APOBEC3G: variants seen among roughly 807,000 people sequenced by gnomAD.
The protein encoded by APOBEC3G is DNA dC->dU-editing enzyme APOBEC-3G.
In APOBEC3G, 44 loss-of-function variants were observed where a neutral mutation model predicts 50.0. The observed-to-expected ratio is 0.88, with a 90% CI of 0.69 to 1.13. The LOEUF is 1.13. APOBEC3G is among the 50% of genes most tolerant of loss of function. The pLI is 0.00. For missense variants in APOBEC3G, 469 were observed against 492.0 expected (o/e 0.95, Z 0.44); for synonymous variants, 156 against 175.3 (o/e 0.89, Z 0.87).
rs1456548188 is a variant in APOBEC3G, at chr22:39,086,402, C to G, written c.859C>G (p.Pro287Ala). 2.5e-6 allele frequency: 4 copies of G among 1,614,184 alleles called. No individual in the cohort carries two copies. The highest frequency in any genetic ancestry group is 3.3e-5 in the Admixed American group (2 of 60,014). Residue 287 changes from proline to alanine, a missense_variant, in exon 6 of 8, where the codon CCC becomes GCC. Pro to Ala is a conservative substitution (Grantham distance 27). Transcript: ENST00000407997. Reference protein sequence around the residue: ...YRVTCFTSWSPCFSCAQEMAK... With the variant: ...YRVTCFTSWSACFSCAQEMAK... ...GGTTACCTGCTTCACCTCCTGGAGC[C>G]CCTGCTTCAGCTGTGCCCAGGAAAT...
intron 2 of APOBEC3G, chr22:39,079,298 C>T (rs911723724): frequency 3.7e-5 from 22 of 589,762 alleles, no homozygotes; most frequent in African/African-American, 1.9e-4. Context: ...CTTGTGTTTC[C>T]GTTTTTCTTT....
intron 5 of APOBEC3G, among the ~76,000 whole-genome samples, chr22:39,084,466 G>T (rs996091917): frequency 6.6e-6 from 1 of 152,088 alleles, no homozygotes; most frequent in African/African-American, 2.4e-5. Flanking sequence ...GGCAGAGCTT[G>T]CAGTGAGCCA....
At chr22:39,078,414 C>T (rs1006547948) in intron 1 of APOBEC3G, 2 of 153,474 alleles carry the variant, frequency 1.3e-5, no homozygotes. Context: ...AGAGACTGGA[C>T]AGGGCTGGCC....
chr22:39,086,643 G>A, intron 6 of APOBEC3G, 76 bp downstream of exon 6: 1 of 1,516,548 alleles, frequency 6.6e-7, no homozygotes, highest in East Asian at 2.3e-5. Context: ...AGAAAGTGGG[G>A]AGGGTCGGCA....
At position 39,081,078 on chromosome 22, in the gene APOBEC3G, C is replaced by T. The variant is rs756302637; in HGVS notation, c.317C>T (p.Thr106Met). 1.2e-6 allele frequency: 2 copies of T among 1,614,218 alleles called. No homozygotes were observed. Among genetic ancestry groups the T allele is most frequent in the South Asian group, 1.1e-5 (1 of 91,082 alleles). The part of the protein sequence containing the change: ...PCTKCTRDMA[T>M]FLAEDPKVTL... ...ACAAAGTGTACAAGGGATATGGCCA[C>T]GTTCCTGGCCGAGGACCCGAAGGTT... Residue 106 changes from threonine (T) to methionine (M), a missense_variant, in exon 3 of 8, where the codon ACG (threonine) becomes ATG (methionine). Coordinates refer to ENST00000407997, the MANE Select transcript of APOBEC3G (RefSeq NM_021822.4).
chr22:39,077,563 G>A (rs1224344619), intron 1 of APOBEC3G, among the ~76,000 whole-genome samples, 185 bp downstream of exon 1: 1 of 151,964 alleles, frequency 6.6e-6, no homozygotes, highest in East Asian at 1.9e-4. Flanking sequence ...CCCCACTGCT[G>A]CTTCTGAATG....
At chr22:39,077,493 C>A in intron 1 of APOBEC3G, 115 bp downstream of exon 1, 1 of 1,521,288 alleles carries the variant, frequency 6.6e-7, no homozygotes, top group Non-Finnish European at 8.9e-7. Flanking sequence ...GGGCTCCCTC[C>A]CCTCTGACTC....
In APOBEC3G at chr22:39,079,303, T is replaced by C. The variant is rs1928323013; in HGVS notation, c.171+218T>C. 8.6e-6 allele frequency: 5 copies of C among 580,038 alleles called. No individual in the cohort carries two copies. In the East Asian group the frequency reaches 1.6e-4, roughly 19 times the overall value. 35.9% of individuals were successfully genotyped at this position (580,038 alleles called of 1,614,324 possible). Reference sequence around the variant, plus strand: ...CACAAAAGGCCTTGTGTTTCCGTTTTTCTTTTCTTTTCTTTTTTCTTTTTT... The same window carrying C: ...CACAAAAGGCCTTGTGTTTCCGTTTCTCTTTTCTTTTCTTTTTTCTTTTTT... On this transcript the variant is annotated intron_variant, in intron 2 of 7. Coordinates refer to ENST00000407997, the MANE Select transcript of APOBEC3G (RefSeq NM_021822.4).
chr22:39,081,399 G>A, intron 3 of APOBEC3G, 72 bp from the exon 4 acceptor site: 1 of 1,543,666 alleles, frequency 6.5e-7, no homozygotes, highest in Non-Finnish European at 8.9e-7. Context: ...AATATGTCTG[G>A]GAGGGGAGGG....
chr22:39,083,988 G>A (rs1928590633), intron 5 of APOBEC3G, 104 bp downstream of exon 5: 3 of 1,387,900 alleles, frequency 2.2e-6, no homozygotes, highest in Non-Finnish European at 1.9e-6. Context: ...CAGAGTGTCT[G>A]TCACCTGTGC....
chr22:39,087,485 C>T lies in APOBEC3G; in HGVS notation c.*64C>T, dbSNP rs368454440. ...GTTGAGCCTCAGAATAAAAGATCTT[C>T]TTCCAAGAAATGCAAACAGGCTGTT... On this transcript the variant is annotated 3_prime_UTR_variant, in exon 8 of 8. Transcript: ENST00000407997. The T allele has an allele frequency of 3.2e-5, 52 of 1,613,410 alleles. No individual in the cohort carries two copies. In the Admixed American group the frequency reaches 8.3e-4, roughly 26 times the overall value.
At chr22:39,080,219 C>A (rs973809482) in intron 2 of APOBEC3G, 2 of 797,656 alleles carry the variant, frequency 2.5e-6, no homozygotes, top group African/African-American at 1.9e-5. Flanking sequence ...CCCTAGAGGG[C>A]CAGGCCACAG....
rs370339965 is a variant in APOBEC3G at position 39,078,911 on chromosome 22, G to A, written c.18-21G>A. 7.4e-6 allele frequency: 12 copies of A among 1,612,854 alleles called. No homozygotes were observed. In the African/African-American group the frequency reaches 1.6e-4, roughly 22 times the overall value. On this transcript the variant is annotated intron_variant, in intron 1 of 7. Coordinates refer to ENST00000407997, the MANE Select transcript of APOBEC3G (RefSeq NM_021822.4). ...CCAGGAGTGCTCTCTACATTGGCTGGTTTCTCTCTTGTGTCTTCAGAAACA... is the reference window on the plus strand; with the variant it reads ...CCAGGAGTGCTCTCTACATTGGCTGATTTCTCTCTTGTGTCTTCAGAAACA...
At chr22:39,078,306 GA>G (rs1013036138) in intron 1 of APOBEC3G, among the ~76,000 whole-genome samples, 4 of 152,074 alleles carry the variant, frequency 2.6e-5, no homozygotes, top group African/African-American at 4.8e-5. Flanking sequence ...GAATATATGG[GA>G]AAAAAACTCA....
At chr22:39,080,238 G>C (rs1209664529) in intron 2 of APOBEC3G, 6 of 789,496 alleles carry the variant, frequency 7.6e-6, no homozygotes, top group African/African-American at 1.9e-5. Context: ...AGTAGGGGCT[G>C]AGGATGTCTG....
intron 4 of APOBEC3G, 101 bp downstream of exon 4, chr22:39,081,686 GCCCTCCTGCCTT>G (rs1928467654): frequency 4.3e-6 from 4 of 933,638 alleles, no homozygotes; most frequent in South Asian, 1.5e-5. Context: ...TCCTGGCCAG[GCCCTCCTGCCTT>G]CCCTCCTGCC....
At position 39,081,153 on chromosome 22, in the gene APOBEC3G, A is replaced by G. The variant is rs1204170267; in HGVS notation, c.392A>G (p.Tyr131Cys). The change falls in exon 3 of 8, where the codon TAC becomes TGC. Residue 131 changes from tyrosine to cysteine, a missense_variant. Transcript: ENST00000407997. ...CTCTACTACTTCTGGGACCCAGATT[A>G]CCAGGAGGCGCTTCGCAGCCTGTGT... ...ARLYYFWDPD[Y>C]QEALRSLCQK... The G allele has an allele frequency of 5.0e-6, 8 of 1,614,248 alleles. No individual in the cohort carries two copies. The highest frequency in any genetic ancestry group is 6.8e-6 in the Non-Finnish European group (8 of 1,180,050).
chr22:39,081,547 T>A lies in APOBEC3G; in HGVS notation c.543T>A (p.Tyr181Ter), dbSNP rs200752150. 6.2e-7 allele frequency: 1 copy of A among 1,613,992 alleles called. No individual in the cohort carries two copies. Among genetic ancestry groups the A allele is most frequent in the African/African-American group, 1.3e-5 (1 of 74,914 alleles). The change falls in exon 4 of 8, where the codon TAT becomes TAA. Residue 181 changes from tyrosine (Y) to a stop codon, truncating the protein, a stop_gained. Transcript: ENST00000407997. LOFTEE classifies it high-confidence loss of function. The part of the protein sequence containing the change: ...LFEPWNNLPK[Y>*]YILLHIMLGE... ...AGCCTTGGAATAATCTGCCTAAATATTATATATTACTGCACATCATGCTGG... is the reference window on the plus strand; with the variant it reads ...AGCCTTGGAATAATCTGCCTAAATAATATATATTACTGCACATCATGCTGG...
chr22:39,085,974 C>G (rs1264223631), intron 5 of APOBEC3G, among the ~76,000 whole-genome samples: 2 of 152,108 alleles, frequency 1.3e-5, no homozygotes, highest in Non-Finnish European at 2.9e-5. Context: ...GGCTGCCCCG[C>G]ACCCACCCTG....
Sources: allele counts gnomAD v4.1 joint callset (sites outside exome capture counted in the v4.1 genomes callset), GRCh38; gene constraint gnomAD v4.1.1; transcripts MANE v1.5; gene names NCBI Gene and HGNC (gene_info 2026-07-23, HGNC 2026-07-21).